Variants in UNC79 observed in about 807,000 individuals in gnomAD.
The protein encoded by UNC79 is protein unc-79 homolog.
Under a neutral mutation model 283.1 loss-of-function variants are expected in UNC79, and 37 were observed. The observed-to-expected ratio is 0.13, with a 90% confidence interval of 0.10 to 0.17. The LOEUF (loss-of-function observed/expected upper bound fraction) is 0.17, where lower values mean the gene tolerates loss of function less well. UNC79 is among the 10% of genes least tolerant of loss of function. The pLI, the probability that UNC79 is intolerant of heterozygous loss-of-function variation, is 1.00. For missense variants in UNC79, 2,272 were observed against 3,211.1 expected (o/e 0.71, Z 7.07); for synonymous variants, 1,107 against 1,200.2 (o/e 0.92, Z 1.61).
At chr14:93,479,341 A>G (rs2057997553) in intron 4 of UNC79, among the ~76,000 whole-genome samples, 1 of 150,948 alleles carries the variant, frequency 6.6e-6, no homozygotes, top group African/African-American at 2.4e-5. Context: ...TCTGTCACCC[A>G]GGCAGAAGTG....
chr14:93,467,893 A>G (rs889960311), intron 2 of UNC79, 102 bp downstream of exon 2: 150 of 1,317,452 alleles, frequency 1.1e-4, no homozygotes, highest in African/African-American at 9.9e-4. Context: ...TAAAGGGCCT[A>G]TGTTTTCTAG....
Position 93,676,751 on chromosome 14 carries a change from C to T in UNC79, c.6741+3296C>T, listed in dbSNP as rs148107072. Among the ~76,000 whole-genome samples the T allele has an allele frequency of 3.3e-5, 5 of 152,262 alleles. No homozygotes were observed. The East Asian group carries it at 9.6e-4, about 29-fold the overall frequency. Reference sequence around the variant, plus strand: ...AAAAGAACACTGACAGTTTAAATTACCCAGTGCTTAAGGAAACCACAAAAA... The same window carrying T: ...AAAAGAACACTGACAGTTTAAATTATCCAGTGCTTAAGGAAACCACAAAAA... On this transcript the variant is annotated intron_variant, in intron 41 of 48. Coordinates refer to ENST00000555664, the Ensembl canonical transcript of UNC79.
chr14:93,542,363 C>G (rs1238488774), intron 13 of UNC79, 103 bp from the exon 14 acceptor site: 1 of 1,179,074 alleles, frequency 8.5e-7, no homozygotes, highest in African/African-American at 1.5e-5. Flanking sequence ...AACAGATTAT[C>G]TGGGATATCT....
intron 14 of UNC79, among the ~76,000 whole-genome samples, chr14:93,550,107 T>C (rs1244974096): frequency 6.6e-6 from 1 of 152,218 alleles, no homozygotes; most frequent in East Asian, 1.9e-4. Context: ...CTTGCTTATA[T>C]AGGCAGAAAA....
intron 10 of UNC79, among the ~76,000 whole-genome samples, chr14:93,530,647 C>T (rs769761405): frequency 2.0e-5 from 3 of 151,748 alleles, no homozygotes; most frequent in Admixed American, 6.6e-5. Context: ...CGGTGGCTCA[C>T]GCCTGTAATC....
At chr14:93,455,472 C>T (rs76890322) in intron 1 of UNC79, among the ~76,000 whole-genome samples, 2,000 of 151,620 alleles carry the variant, frequency 0.013, 27 homozygotes, top group Middle Eastern at 0.027. Flanking sequence ...TGTGTGTGTG[C>T]GTGCATCTGC....
chr14:93,528,016 T>C (rs1303609762), intron 8 of UNC79, among the ~76,000 whole-genome samples: 2 of 151,526 alleles, frequency 1.3e-5, no homozygotes, highest in Non-Finnish European at 2.9e-5. Context: ...GGTTGGATGA[T>C]TGATACAGAA....
rs1341937976 is a variant in UNC79 at position 93,621,297 on chromosome 14, G to A, written c.4388-324G>A. On this transcript the variant is annotated intron_variant, in intron 29 of 48. Transcript: ENST00000555664. This position sits in a 1 kb window ranked among gnomAD's most constrained non-coding sequence, Gnocchi z 4.8. ...CAAAATGTTTGCTTCTCTTCCACACGATTTGAATACAGTTTCCTAGATCTG... is the reference window on the plus strand; with the variant it reads ...CAAAATGTTTGCTTCTCTTCCACACAATTTGAATACAGTTTCCTAGATCTG... Among the ~76,000 whole-genome samples the A allele has an allele frequency of 1.3e-5, 2 of 152,056 alleles. No individual in the cohort carries two copies. The highest frequency in any genetic ancestry group is 2.9e-5 in the Non-Finnish European group (2 of 68,016).
chr14:93,487,742 C>T, exon 5 of UNC79: 1 of 1,613,516 alleles, frequency 6.2e-7, no homozygotes, highest in Non-Finnish European at 8.5e-7. Context: ...CAATGCAGTA[C>T]ACATCCAATC....
chr14:93,386,478 GC>G (rs2054777116), intron 1 of UNC79, among the ~76,000 whole-genome samples: 1 of 152,086 alleles, frequency 6.6e-6, no homozygotes, highest in African/African-American at 2.4e-5. Context: ...TGTAATATTG[GC>G]CTCATAGAAT....
At chr14:93,590,867 A>G (rs912537605) in intron 22 of UNC79, among the ~76,000 whole-genome samples, 2 of 152,196 alleles carry the variant, frequency 1.3e-5, no homozygotes, top group East Asian at 3.8e-4. Context: ...GAAGGCACAA[A>G]TTATATCTTC....
intron 1 of UNC79, among the ~76,000 whole-genome samples, chr14:93,466,418 A>G (rs2057185624): frequency 6.6e-6 from 1 of 152,246 alleles, no homozygotes; most frequent in African/African-American, 2.4e-5. Flanking sequence ...CATAGTGGAA[A>G]GATCACTGGA....
At chr14:93,522,324 T>C (rs2060361169) in intron 7 of UNC79, among the ~76,000 whole-genome samples, 1 of 152,064 alleles carries the variant, frequency 6.6e-6, no homozygotes, top group Non-Finnish European at 1.5e-5. Flanking sequence ...TTGGAGATGG[T>C]TAGCAGATTT....
rs2067118846 is a variant in UNC79, at chr14:93,621,364, C to T, written c.4388-257C>T. Among the ~76,000 whole-genome samples, 1 of 152,152 alleles carries T rather than the reference C, an allele frequency of 6.6e-6. No homozygotes were observed. Among genetic ancestry groups the T allele is most frequent in the African/African-American group, 2.4e-5 (1 of 41,438 alleles). On this transcript the variant is annotated intron_variant, in intron 29 of 48. Transcript: ENST00000555664. This position sits in a 1 kb window ranked among gnomAD's most constrained non-coding sequence, Gnocchi z 4.8. Reference sequence around the variant, plus strand: ...ATCCCCTCTCCTATGCACAAATGAACAGAGCTGAGGAATTATCCCGAAGCC... The same window carrying T: ...ATCCCCTCTCCTATGCACAAATGAATAGAGCTGAGGAATTATCCCGAAGCC...
At position 93,529,333 on chromosome 14, in the gene UNC79, T is replaced by C; in HGVS notation, c.1093+7T>C. 6.2e-7 allele frequency: 1 copy of C among 1,613,700 alleles called. No homozygotes were observed. The highest frequency in any genetic ancestry group is 8.5e-7 in the Non-Finnish European group (1 of 1,179,806). On this transcript the variant is annotated splice_region_variant and intron_variant, in intron 10 of 48. Coordinates refer to ENST00000555664, the Ensembl canonical transcript of UNC79. ...GATGTTCTTCTGCCACAAGGTATGG[T>C]TTACTTAGGAAAGGATGAATAATGA...
chr14:93,503,675 A>G (rs2059401192), intron 7 of UNC79, among the ~76,000 whole-genome samples: 1 of 151,890 alleles, frequency 6.6e-6, no homozygotes, highest in Non-Finnish European at 1.5e-5. Context: ...ATTTCTTCCT[A>G]TGTTTATTTG....
intron 1 of UNC79, among the ~76,000 whole-genome samples, chr14:93,357,916 CATATATATAG>C (rs2054143684): frequency 9.7e-5 from 2 of 20,576 alleles, no homozygotes; most frequent in Admixed American, 7.2e-4. Flanking sequence ...TATATATATC[CATATATATAG>C]ATATATATGG....
At position 93,588,513 on chromosome 14, in the gene UNC79, G is replaced by A. The variant is rs1017740914; in HGVS notation, c.3032+1605G>A. Among the ~76,000 whole-genome samples the A allele has an allele frequency of 4.6e-5, 7 of 152,162 alleles. 1 individual carries two copies. The East Asian group carries it at 5.8e-4, about 13-fold the overall frequency. On this transcript the variant is annotated intron_variant, in intron 22 of 48. Transcript: ENST00000555664. ...CCCAGCACTTTGGGAGGCCGAGGCC[G>A]GCGGATCACGAGGTCAGGAGATCGA... is the stretch of plus-strand genomic sequence containing the variant.
chr14:93,347,335 C>A (rs1472098667), intron 1 of UNC79: 3 of 1,600,802 alleles, frequency 1.9e-6, no homozygotes, highest in Admixed American at 3.4e-5. Context: ...GCTCGGCCTG[C>A]AGCCCGCTCC....
Sources: gnomAD v4.1 joint callset for allele counts (sites outside exome capture counted in the v4.1 genomes callset) on GRCh38, gnomAD v4.1.1 for gene constraint, Gnocchi (gnomAD v3.1) non-coding constraint, MANE v1.5 for transcripts, NCBI Gene and HGNC (gene_info 2026-07-23, HGNC 2026-07-21) for gene names.